Variants in LIPI observed in about 807,000 individuals in gnomAD.
The protein encoded by LIPI is lipase I.
A neutral mutation model predicts 50.6 loss-of-function variants in LIPI; 59 were observed. That is an observed-to-expected ratio of 1.16 (90% CI 0.94 to 1.45). LIPI has a LOEUF of 1.45. LIPI is among the 40% of genes most tolerant of loss of function. LIPI has a pLI of 0.00. For missense variants in LIPI, 586 were observed against 536.3 expected (o/e 1.09, Z -0.92); for synonymous variants, 203 against 178.2 (o/e 1.14, Z -1.11).
intron 1 of LIPI, among the ~76,000 whole-genome samples, chr21:14,198,995 C>T (rs1246911147): frequency 6.6e-6 from 1 of 152,004 alleles, no homozygotes; most frequent in African/African-American, 2.4e-5. Context: ...GAATAGCCTA[C>T]TCCTAAGTGA....
chr21:14,155,132 A>G (rs1600870218), intron 7 of LIPI, among the ~76,000 whole-genome samples: 1 of 152,194 alleles, frequency 6.6e-6, no homozygotes, highest in East Asian at 1.9e-4. Flanking sequence ...ACAGAAACAA[A>G]GGTGGCTCCA....
At chr21:14,146,886 C>A (rs2017927563) in intron 8 of LIPI, among the ~76,000 whole-genome samples, 1 of 143,058 alleles carries the variant, frequency 7.0e-6, no homozygotes, top group Admixed American at 7.6e-5. Context: ...TCAAGTGATT[C>A]TCCTGCCTCA....
chr21:14,192,517 C>CA (rs2019711257), intron 1 of LIPI, among the ~76,000 whole-genome samples: 3 of 152,046 alleles, frequency 2.0e-5, no homozygotes, highest in Admixed American at 2.0e-4. Context: ...AAATGACACA[C>CA]AAAAAAGTTA....
chr21:14,191,204 C>T (rs1033981069), intron 1 of LIPI, among the ~76,000 whole-genome samples: 1 of 151,632 alleles, frequency 6.6e-6, no homozygotes, highest in African/African-American at 2.4e-5. Context: ...CGGTGAAACC[C>T]CGTCTCTACT....
intron 2 of LIPI, among the ~76,000 whole-genome samples, chr21:14,188,567 C>CCAAAA (rs2019536641): frequency 1.5e-5 from 1 of 65,946 alleles, no homozygotes; most frequent in Non-Finnish European, 2.8e-5. Flanking sequence ...GAACCTGTCT[C>CCAAAA]AAAAAAAAAA....
At chr21:14,116,794 T>A (rs879687876) in intron 9 of LIPI, among the ~76,000 whole-genome samples, 17 of 152,148 alleles carry the variant, frequency 1.1e-4, no homozygotes, top group Admixed American at 1.0e-3. Context: ...TGTAAGACTC[T>A]AGTGGCTCGA....
At chr21:14,164,771 T>C (rs1050627688) in intron 6 of LIPI, among the ~76,000 whole-genome samples, 1 of 152,198 alleles carries the variant, frequency 6.6e-6, no homozygotes, top group African/African-American at 2.4e-5. Flanking sequence ...TTAGAAGGTA[T>C]GAACCATGTT....
chr21:14,157,608 T>C (rs997936643), intron 7 of LIPI, among the ~76,000 whole-genome samples: 1 of 151,834 alleles, frequency 6.6e-6, no homozygotes, highest in African/African-American at 2.4e-5. Context: ...GGAAAACGTC[T>C]ACAAACAAGA....
At chr21:14,191,940 G>A (rs1297956273) in intron 1 of LIPI, among the ~76,000 whole-genome samples, 1 of 152,168 alleles carries the variant, frequency 6.6e-6, no homozygotes, top group African/African-American at 2.4e-5. Context: ...AGTCACCCCA[G>A]CTGACTGACA....
chr21:14,168,133 A>T (rs1191253596), intron 4 of LIPI, among the ~76,000 whole-genome samples: 1 of 152,208 alleles, frequency 6.6e-6, no homozygotes, highest in South Asian at 2.1e-4. Context: ...AGATGAAATG[A>T]ATGAATGAAG....
chr21:14,209,758 A>C (rs1405318613), intron 1 of LIPI, among the ~76,000 whole-genome samples: 1 of 152,078 alleles, frequency 6.6e-6, no homozygotes, highest in East Asian at 1.9e-4. Context: ...GTAAACTATG[A>C]TATTAAAATG....
chr21:14,156,923 C>T (rs1458602101), intron 7 of LIPI, among the ~76,000 whole-genome samples: 1 of 151,734 alleles, frequency 6.6e-6, no homozygotes, highest in African/African-American at 2.4e-5. Context: ...TTAATCTTGC[C>T]GTCATTGAGG....
intron 9 of LIPI, among the ~76,000 whole-genome samples, chr21:14,118,909 C>G (rs1229424686): frequency 1.3e-5 from 2 of 152,072 alleles, no homozygotes; most frequent in Admixed American, 1.3e-4. Flanking sequence ...GGAATGCTCC[C>G]CTATTGCTGG....
intron 6 of LIPI, among the ~76,000 whole-genome samples, chr21:14,164,047 C>CATTTTATATGTACAT (rs1568860280): frequency 1.2e-4 from 18 of 150,110 alleles, no homozygotes; most frequent in African/African-American, 4.4e-4. Flanking sequence ...ATTTCAGATA[C>CATTTTATATGTACAT]ATATGTGTAC....
chr21:14,113,097 A>G (rs2016480192), intron 9 of LIPI, among the ~76,000 whole-genome samples: 4 of 152,230 alleles, frequency 2.6e-5, no homozygotes, highest in Admixed American at 2.0e-4. Context: ...TAACCCCAGT[A>G]ACATAACAGT....
intron 1 of LIPI, among the ~76,000 whole-genome samples, chr21:14,206,654 T>C (rs1356388537): frequency 6.6e-6 from 1 of 152,056 alleles, no homozygotes; most frequent in Non-Finnish European, 1.5e-5. Flanking sequence ...TTCTCTTTCC[T>C]CATTTCTGGA....
intron 4 of LIPI, among the ~76,000 whole-genome samples, chr21:14,173,425 C>T (rs545648419): frequency 6.6e-6 from 1 of 152,226 alleles, no homozygotes; most frequent in African/African-American, 2.4e-5. Context: ...GATCATTGGA[C>T]CACTGGTGAA....
At position 14,143,573 on chromosome 21, in the gene LIPI, G is replaced by A. The variant is rs116819277; in HGVS notation, c.1295+1050C>T. On this transcript the variant is annotated intron_variant, in intron 9 of 9. Transcript: ENST00000681601. ...TAGGAAATAAATATATATAAATACA[G>A]GAACATAAAGAGAAATAAAGAGGAA... is the stretch of plus-strand genomic sequence containing the variant. 364 of 152,042 alleles carry A rather than the reference G, an allele frequency of 2.4e-3. 1 individual carries two copies. Among genetic ancestry groups the A allele is most frequent in the African/African-American group, 8.5e-3 (352 of 41,478 alleles). The allele number at this position is 152,042 out of a possible 1,614,324, so 9.4% of individuals were successfully genotyped here.
At chr21:14,177,076 T>G (rs1434861797) in intron 4 of LIPI, among the ~76,000 whole-genome samples, 2 of 152,160 alleles carry the variant, frequency 1.3e-5, no homozygotes, top group Admixed American at 1.3e-4. Flanking sequence ...ACTATGATTG[T>G]GTAGTTGCCT....
Sources: gnomAD v4.1 joint callset for allele counts (sites outside exome capture counted in the v4.1 genomes callset) on GRCh38, gnomAD v4.1.1 for gene constraint, MANE v1.5 for transcripts, NCBI Gene and HGNC (gene_info 2026-07-23, HGNC 2026-07-21) for gene names.